Variants in RAB11FIP5 observed in about 807,000 individuals in gnomAD.
RAB11FIP5 encodes the protein RAB11 family interacting protein 5, also known as rab11 family-interacting protein 5.
Under a neutral mutation model 85.1 loss-of-function variants are expected in RAB11FIP5, and 48 were observed. That is an observed-to-expected ratio of 0.56 (90% confidence interval 0.45 to 0.72). The LOEUF (loss-of-function observed/expected upper bound fraction) is 0.72. RAB11FIP5 is among the 30% of genes least tolerant of loss of function. RAB11FIP5 has a pLI of 0.00. For synonymous variants in RAB11FIP5, 729 were observed against 727.3 expected (o/e 1.00, Z -0.04); for missense variants, 1,491 against 1,687.0 (o/e 0.88, Z 2.04).
At chr2:73,106,489 C>A (rs1416136813) in intron 1 of RAB11FIP5, among the ~76,000 whole-genome samples, 2 of 152,202 alleles carry the variant, frequency 1.3e-5, no homozygotes, top group East Asian at 1.9e-4. Flanking sequence ...AGGCTTCCCC[C>A]CCTTTGGAAT....
chr2:73,079,185 G>A (rs1027757572), intron 4 of RAB11FIP5, among the ~76,000 whole-genome samples: 2 of 152,092 alleles, frequency 1.3e-5, no homozygotes, highest in African/African-American at 4.8e-5. Context: ...CACTCTAGCA[G>A]AATAGGAAAC....
chr2:73,111,401 C>T (rs967052048), intron 1 of RAB11FIP5, among the ~76,000 whole-genome samples: 1 of 152,134 alleles, frequency 6.6e-6, no homozygotes, highest in African/African-American at 2.4e-5. Flanking sequence ...ATCCCCTTAC[C>T]CTCCTACCCA....
rs1683824865 is a variant in RAB11FIP5 at position 73,075,038 on chromosome 2, C to T, written c.*483G>A. The stretch of plus-strand genomic sequence containing the variant: ...AGGCTGGTTGCCCGTAACTCACAGA[C>T]AAACAGGCAGCGTGGTCATTGTCCC... On this transcript the variant is annotated 3_prime_UTR_variant, in exon 6 of 6. Coordinates refer to ENST00000486777, the MANE Select transcript of RAB11FIP5 (RefSeq NM_001371272.1). This position sits in a 1 kb window ranked among gnomAD's most constrained non-coding sequence, Gnocchi z 4.6. 4 of 359,584 alleles carry T rather than the reference C, an allele frequency of 1.1e-5. No homozygotes were observed. The highest frequency in any genetic ancestry group is 8.5e-5 in the South Asian group (4 of 47,040). The allele number at this position is 359,584 out of a possible 1,614,324, so 22.3% of individuals were successfully genotyped here.
chr2:73,112,859 G>C lies in RAB11FIP5; in HGVS notation c.-82C>G. The C allele has an allele frequency of 3.1e-6, 4 of 1,273,764 alleles. No homozygotes were observed. Among genetic ancestry groups the C allele is most frequent in the Non-Finnish European group, 3.0e-6 (3 of 995,566 alleles). 78.9% of individuals were successfully genotyped at this position (1,273,764 alleles called of 1,614,324 possible). A position where few individuals can be genotyped will look rare whatever the true frequency, so the allele number is the denominator to read the frequency against. On this transcript the variant is annotated 5_prime_UTR_variant, in exon 1 of 6. Coordinates refer to ENST00000486777, the MANE Select transcript of RAB11FIP5 (RefSeq NM_001371272.1). ...GACAAACCCGGCCGCGGCAGAAGGCGGTCAGGAACCAACTCTGAGCGCCGC... is the reference window on the plus strand; with the variant it reads ...GACAAACCCGGCCGCGGCAGAAGGCCGTCAGGAACCAACTCTGAGCGCCGC...
intron 3 of RAB11FIP5, among the ~76,000 whole-genome samples, chr2:73,084,986 G>A (rs1207759980): frequency 6.6e-6 from 1 of 152,174 alleles, no homozygotes; most frequent in Non-Finnish European, 1.5e-5. Flanking sequence ...GAGGTGACAG[G>A]GGCCTTGTAA....
At chr2:73,091,243 G>A (rs1684203321) in intron 1 of RAB11FIP5, among the ~76,000 whole-genome samples, 1 of 152,190 alleles carries the variant, frequency 6.6e-6, no homozygotes, top group South Asian at 2.1e-4. Flanking sequence ...CACCAGGCAT[G>A]AAAGGATTCG....
At position 73,082,835 on chromosome 2, in the gene RAB11FIP5, C is replaced by A. The variant is rs1444898026; in HGVS notation, c.1569-1172G>T. On this transcript the variant is annotated intron_variant, in intron 3 of 5. Coordinates refer to ENST00000486777, the MANE Select transcript of RAB11FIP5 (RefSeq NM_001371272.1). ...CTCCAGAGATGCGGGCAGGGGCGTG[C>A]TCTCAAACTAGAGCTTCTCACTTCC... Among the ~76,000 whole-genome samples, 6 of 152,220 alleles carry A rather than the reference C, an allele frequency of 3.9e-5. No homozygotes were observed. In the South Asian group the frequency reaches 1.2e-3, roughly 31 times the overall value.
chr2:73,095,050 A>AT (rs1558521478), intron 1 of RAB11FIP5, among the ~76,000 whole-genome samples: 1 of 152,082 alleles, frequency 6.6e-6, no homozygotes, highest in Non-Finnish European at 1.5e-5. Context: ...TGCAGCACAT[A>AT]TATCACTAAC....
In RAB11FIP5 at chr2:73,112,896, G is replaced by A; in HGVS notation, c.-119C>T. 2.1e-6 allele frequency: 2 copies of A among 974,424 alleles called. No individual in the cohort carries two copies. The allele number at this position is 974,424 out of a possible 1,614,324, so 60.4% of individuals were successfully genotyped here. A position where few individuals can be genotyped will look rare whatever the true frequency, so the allele number is the denominator to read the frequency against. ...ACTCTGAGCGCCGCCGCAGCTGCGG[G>A]CTGGGCTGGGCCGGGCCGACCGGCC... On this transcript the variant is annotated 5_prime_UTR_variant, in exon 1 of 6. Transcript: ENST00000486777.
intron 1 of RAB11FIP5, among the ~76,000 whole-genome samples, chr2:73,091,534 C>T (rs969037809): frequency 6.6e-6 from 1 of 152,150 alleles, no homozygotes; most frequent in South Asian, 2.1e-4. Flanking sequence ...CTGAGCTCTG[C>T]CCCCAACAAT....
chr2:73,093,984 G>A (rs1684272377), intron 1 of RAB11FIP5, among the ~76,000 whole-genome samples: 1 of 152,134 alleles, frequency 6.6e-6, no homozygotes, highest in African/African-American at 2.4e-5. Context: ...AGCTGGGTGT[G>A]GTGGCACACG....
intron 4 of RAB11FIP5, among the ~76,000 whole-genome samples, chr2:73,076,499 C>T (rs1683864449): frequency 6.6e-6 from 1 of 152,188 alleles, no homozygotes; most frequent in African/African-American, 2.4e-5. Context: ...CACCCTCTGT[C>T]AGGGACACCC....
chr2:73,076,518 C>A (rs1683865314), intron 4 of RAB11FIP5, among the ~76,000 whole-genome samples: 1 of 152,130 alleles, frequency 6.6e-6, no homozygotes, highest in Admixed American at 6.5e-5. Flanking sequence ...CCTCCCCCAG[C>A]CATCTTCCCT....
At position 73,088,636 on chromosome 2, in the gene RAB11FIP5, G is replaced by C; in HGVS notation, c.982C>G (p.Leu328Val). 1 of 1,613,318 alleles carries C rather than the reference G, an allele frequency of 6.2e-7. No individual in the cohort carries two copies. The highest frequency in any genetic ancestry group is 8.5e-7 in the Non-Finnish European group (1 of 1,180,028). The change falls in exon 3 of 6, where the codon CTG becomes GTG. Residue 328 changes from leucine (L) to valine (V), a missense_variant. Physicochemically the swap from Leu to Val is conservative, Grantham distance 32. Coordinates refer to ENST00000486777, the MANE Select transcript of RAB11FIP5 (RefSeq NM_001371272.1). Reference protein sequence around the residue: ...PRALLDLQGHLDAASRSSLCV... With the variant: ...PRALLDLQGHVDAASRSSLCV... ...AGCGAAGAGCGGGAGGCAGCATCCA[G>C]GTGGCCCTGAAGGTCCAGAAGGGCC...
In RAB11FIP5 at chr2:73,080,947, G is replaced by C; in HGVS notation, c.2285C>G (p.Ser762Ter). 1 of 1,232,422 alleles carries C rather than the reference G, an allele frequency of 8.1e-7. No individual in the cohort carries two copies. The highest frequency in any genetic ancestry group is 1.0e-6 in the Non-Finnish European group (1 of 988,172). 76.3% of individuals were successfully genotyped at this position (1,232,422 alleles called of 1,614,324 possible). A position where few individuals can be genotyped will look rare whatever the true frequency, so the allele number is the denominator to read the frequency against. The change falls in exon 4 of 6, where the codon TCA (serine) becomes TGA (stop). Residue 762 changes from serine to a stop codon, truncating the protein, a stop_gained. Transcript: ENST00000486777. LOFTEE classifies it high-confidence loss of function. ...CAGTTCCCTGTCTGGTTCTGAGCCT[G>C]AGGCTCTCAGCTGTAGCTGGGCTGA... Reference protein sequence around the residue: ...SSSAQLQLRASGSEPDRELPA... With the variant: ...SSSAQLQLRA
chr2:73,107,459 T>C (rs904554872), intron 1 of RAB11FIP5, among the ~76,000 whole-genome samples: 1 of 152,128 alleles, frequency 6.6e-6, no homozygotes, highest in Non-Finnish European at 1.5e-5. Context: ...AGCTGTGCCT[T>C]GCAGCCAGCT....
intron 1 of RAB11FIP5, among the ~76,000 whole-genome samples, chr2:73,105,356 C>A (rs187051181): frequency 6.0e-4 from 91 of 152,304 alleles, no homozygotes; most frequent in African/African-American, 1.7e-3. Context: ...GATCCTCCCA[C>A]CTCAGCCTCC....
In RAB11FIP5 at chr2:73,081,707, G is replaced by T; in HGVS notation, c.1569-44C>A. ...CCGTGAGCCTCCTGGTTAATGCCAA[G>T]ACTGGAAAGGCCCCTGAGTCCCACG... On this transcript the variant is annotated intron_variant, in intron 3 of 5. Coordinates refer to ENST00000486777, the MANE Select transcript of RAB11FIP5 (RefSeq NM_001371272.1). The surrounding 1 kb of genome is among the most constrained non-coding windows in gnomAD (Gnocchi z 4.2). The T allele has an allele frequency of 8.1e-7, 1 of 1,229,906 alleles. No individual in the cohort carries two copies. The highest frequency in any genetic ancestry group is 4.1e-5 in the South Asian group (1 of 24,240). The allele number at this position is 1,229,906 out of a possible 1,614,324, so 76.2% of individuals were successfully genotyped here.
rs1304278570 is a variant in RAB11FIP5, at chr2:73,079,899, C to T, written c.3333G>A (p.Pro1111=). ...PEPDFPPPPL[P]PWASHHRGGP... is the part of the protein sequence containing the mutation. ...CCCCACGGTGGTGGCTGGCCCAAGG[C>T]GGGAGAGGGGGCGGTGGAAAGTCAG... Residue 1111 remains proline (P), a synonymous_variant, in exon 4 of 6, where the codon CCG becomes CCA. Coordinates refer to ENST00000486777, the MANE Select transcript of RAB11FIP5 (RefSeq NM_001371272.1). 1.1e-5 allele frequency: 14 copies of T among 1,232,134 alleles called. No individual in the cohort carries two copies. The highest frequency in any genetic ancestry group is 3.1e-4 in the Middle Eastern group (1 of 3,234). The allele number at this position is 1,232,134 out of a possible 1,614,324, so 76.3% of individuals were successfully genotyped here. A position where few individuals can be genotyped will look rare whatever the true frequency, so the allele number is the denominator to read the frequency against.
Sources: gnomAD v4.1 joint callset for allele counts (sites outside exome capture counted in the v4.1 genomes callset) on GRCh38, gnomAD v4.1.1 for gene constraint, Gnocchi (gnomAD v3.1) non-coding constraint, MANE v1.5 for transcripts, NCBI Gene and HGNC (gene_info 2026-07-23, HGNC 2026-07-21) for gene names.